The following TMEM217 variants were observed in gnomAD, a reference collection of about 807,000 sequenced individuals.
TMEM217 encodes chromosome 6 open reading frame 128.
For synonymous variants in TMEM217, 76 were observed against 88.3 expected (o/e 0.86, Z 0.78); for missense variants, 204 against 248.8 (o/e 0.82, Z 1.21).
chr6:37,213,741 T>C (rs540323296), downstream of TMEM217, among the ~76,000 whole-genome samples: 89 of 152,324 alleles, frequency 5.8e-4, no homozygotes, highest in Middle Eastern at 0.01. Context: ...ATGTTGATAA[T>C]GGGGGACCTA....
At chr6:37,228,722 G>GC (rs1763983107) in intron 1 of TMEM217, among the ~76,000 whole-genome samples, 1 of 150,996 alleles carries the variant, frequency 6.6e-6, no homozygotes. Flanking sequence ...TAATAGCTGG[G>GC]CGCAGTGGCT....
At chr6:37,250,385 TTAGTTTTATACA>T (rs1189274082) in intron 1 of TMEM217, among the ~76,000 whole-genome samples, 1 of 152,190 alleles carries the variant, frequency 6.6e-6, no homozygotes, top group Admixed American at 6.5e-5. Context: ...ACTGTGCATA[TTAGTTTTATACA>T]TTCTCTTGTG....
At chr6:37,244,368 T>A (rs1246556317) in intron 1 of TMEM217, among the ~76,000 whole-genome samples, 2 of 152,234 alleles carry the variant, frequency 1.3e-5, no homozygotes, top group Non-Finnish European at 2.9e-5. Context: ...AACTGTAAAC[T>A]TCTTTCACAT....
chr6:37,218,044 G>A (rs1763311063), exon 2 of TMEM217: 1 of 999,892 alleles, frequency 1.0e-6, no homozygotes, highest in East Asian at 1.1e-4. Flanking sequence ...TCTACTTGCA[G>A]AACTGCTAAG....
chr6:37,248,305 A>C lies in TMEM217; in HGVS notation c.-12+9263T>G, dbSNP rs543186170. 5.3e-5 allele frequency among the ~76,000 whole-genome samples: 8 copies of C among 152,336 alleles called. No individual in the cohort carries two copies. In the South Asian group the frequency reaches 1.0e-3, roughly 20 times the overall value. On this transcript the variant is annotated intron_variant, in intron 1 of 1. Transcript: ENST00000357219. ...TAGTTTAGTGCCAGGAATACAGTAG[A>C]TGCTCAATAAAAGCTAGTTAGAAGA...
At chr6:37,218,785 G>T (rs780510149) in exon 2 of TMEM217, 1 of 1,614,222 alleles carries the variant, frequency 6.2e-7, no homozygotes, top group South Asian at 1.1e-5. Context: ...CTGAGTACAG[G>T]AGGAAGCAGC....
chr6:37,257,318 A>G (rs1765808829), intron 1 of TMEM217, among the ~76,000 whole-genome samples: 1 of 152,208 alleles, frequency 6.6e-6, no homozygotes, highest in Non-Finnish European at 1.5e-5. Flanking sequence ...GTCCCTGCTG[A>G]CCTTCCTTCA....
intron 1 of TMEM217, among the ~76,000 whole-genome samples, chr6:37,256,025 AAGG>A (rs1484453637): frequency 1.3e-5 from 2 of 152,192 alleles, no homozygotes; most frequent in Non-Finnish European, 2.9e-5. Flanking sequence ...GATTAAGAAA[AAGG>A]AGTATTTTGA....
chr6:37,219,138 A>G, intron 1 of TMEM217, 97 bp from the exon 2 acceptor site: 1 of 1,099,898 alleles, frequency 9.1e-7, no homozygotes, highest in Non-Finnish European at 1.3e-6. Flanking sequence ...CTTTGGAGAA[A>G]TATAGACAGA....
intron 1 of TMEM217, among the ~76,000 whole-genome samples, chr6:37,242,276 A>G (rs1764805526): frequency 6.6e-6 from 1 of 152,194 alleles, no homozygotes; most frequent in East Asian, 1.9e-4. Flanking sequence ...AGAGAGTCAA[A>G]CACAGGCCCC....
chr6:37,218,588 T>C (rs761599049), exon 2 of TMEM217: 1 of 1,614,240 alleles, frequency 6.2e-7, no homozygotes. Flanking sequence ...GTGGGCATAG[T>C]TGATGACAAA....
intron 1 of TMEM217, among the ~76,000 whole-genome samples, chr6:37,225,176 G>A (rs1396169564): frequency 5.9e-5 from 9 of 151,866 alleles, no homozygotes; most frequent in Non-Finnish European, 1.2e-4. Context: ...CTCCAGCCTC[G>A]GTGACAGAGC....
intron 1 of TMEM217, among the ~76,000 whole-genome samples, chr6:37,245,526 G>A (rs948536437): frequency 1.3e-5 from 2 of 152,266 alleles, no homozygotes; most frequent in East Asian, 3.8e-4. Context: ...TCACAGGAAG[G>A]TTGGGAAAAT....
intron 1 of TMEM217, among the ~76,000 whole-genome samples, chr6:37,222,319 GC>G (rs1029201429): frequency 2.0e-5 from 3 of 152,240 alleles, no homozygotes; most frequent in South Asian, 2.1e-4. Flanking sequence ...GCCATCCATG[GC>G]CCCCCCAGGG....
chr6:37,239,080 C>T (rs1205179344), intron 1 of TMEM217, among the ~76,000 whole-genome samples: 4 of 152,092 alleles, frequency 2.6e-5, no homozygotes, highest in South Asian at 2.1e-4. Context: ...TGCAGTGAGC[C>T]GAGATCATGC....
chr6:37,232,400 T>G (rs375379496), intron 1 of TMEM217, among the ~76,000 whole-genome samples: 36 of 151,362 alleles, frequency 2.4e-4, no homozygotes, highest in East Asian at 1.2e-3. Context: ...GTTTTCTTTT[T>G]TTTGAGACGG....
chr6:37,251,830 C>T (rs1706546530), intron 1 of TMEM217, among the ~76,000 whole-genome samples: 1 of 151,974 alleles, frequency 6.6e-6, no homozygotes. Context: ...GGCAAATTAC[C>T]AATGATGGGC....
chr6:37,213,447 C>G (rs190118328), downstream of TMEM217, among the ~76,000 whole-genome samples: 90 of 152,378 alleles, frequency 5.9e-4, no homozygotes, highest in Non-Finnish European at 1.1e-3. Context: ...CCCCACTACT[C>G]TTTCCTTCCA....
chr6:37,239,525 A>C (rs1325193694), intron 1 of TMEM217, among the ~76,000 whole-genome samples: 4 of 152,106 alleles, frequency 2.6e-5, no homozygotes, highest in Non-Finnish European at 5.9e-5. Flanking sequence ...AAATTCTAAG[A>C]TATGAGAAAG....
Sources: allele counts gnomAD v4.1 joint callset (sites outside exome capture counted in the v4.1 genomes callset), GRCh38; gene constraint gnomAD v4.1.1; transcripts MANE v1.5; gene names NCBI Gene and HGNC (gene_info 2026-07-23, HGNC 2026-07-21).